RIMS1: variants seen among roughly 807,000 people sequenced by gnomAD.
RIMS1 encodes regulating synaptic membrane exocytosis protein 1.
A neutral mutation model predicts 214.1 loss-of-function variants in RIMS1; 83 were observed. The ratio of observed to expected loss-of-function variants is 0.39; its 90% CI spans 0.32 to 0.47. The LOEUF (loss-of-function observed/expected upper bound fraction) is 0.47. Among genes scored for constraint, RIMS1 ranks in the 20% least tolerant of loss-of-function variants. The pLI, the probability that RIMS1 is intolerant of heterozygous loss-of-function variation, is 0.99. For synonymous variants in RIMS1, 793 were observed against 786.8 expected, an observed-to-expected ratio of 1.01 and a Z score of -0.13; for missense variants, 2,050 against 2,161.8, an observed-to-expected ratio of 0.95 and a Z score of 1.03.
chr6:71,966,529 A>AT (rs1484574164), intron 1 of RIMS1, among the ~76,000 whole-genome samples: 1 of 151,936 alleles, frequency 6.6e-6, no homozygotes, highest in African/African-American at 2.4e-5. Context: ...ATTTTGTTTT[A>AT]TTTTTTTATT....
chr6:72,159,021 G>A (rs1351353080), intron 4 of RIMS1, among the ~76,000 whole-genome samples: 2 of 140,594 alleles, frequency 1.4e-5, no homozygotes, highest in Admixed American at 1.5e-4. Context: ...CACCAACAGT[G>A]TAAGTGTTCC....
chr6:72,189,497 G>A (rs2049705823), intron 6 of RIMS1, among the ~76,000 whole-genome samples: 3 of 152,200 alleles, frequency 2.0e-5, no homozygotes, highest in Non-Finnish European at 2.9e-5. Flanking sequence ...TGCAGGATAG[G>A]CAAACCCATA....
chr6:72,283,216 G>A (rs1355423603), intron 23 of RIMS1, among the ~76,000 whole-genome samples: 1 of 151,938 alleles, frequency 6.6e-6, no homozygotes, highest in African/African-American at 2.4e-5. Flanking sequence ...TGTAATAAGT[G>A]TGAGCTTCTT....
At chr6:72,230,307 A>G (rs1452644036) in intron 6 of RIMS1, among the ~76,000 whole-genome samples, 3 of 151,662 alleles carry the variant, frequency 2.0e-5, no homozygotes, top group Non-Finnish European at 4.4e-5. Flanking sequence ...TATGCTGCAT[A>G]TTACTTCTAG....
At chr6:72,075,951 T>C (rs76465471) in intron 2 of RIMS1, among the ~76,000 whole-genome samples, 19,191 of 152,138 alleles carry the variant, frequency 0.13, 1,425 homozygotes, top group South Asian at 0.19. Context: ...AAAAAAGAAA[T>C]AAAAAAATTC....
chr6:72,057,191 A>C (rs549105852), intron 2 of RIMS1, among the ~76,000 whole-genome samples: 1 of 152,304 alleles, frequency 6.6e-6, no homozygotes, highest in Non-Finnish European at 1.5e-5. Context: ...TCAAACTCAC[A>C]TATTCAGTTG....
intron 28 of RIMS1, chr6:72,316,525 C>G: frequency 8.0e-6 from 3 of 375,046 alleles, no homozygotes; most frequent in Non-Finnish European, 1.5e-5. Context: ...AGACACCCTC[C>G]TGGCCTTGGC....
At chr6:72,080,887 C>T (rs945688376) in intron 2 of RIMS1, among the ~76,000 whole-genome samples, 3 of 152,186 alleles carry the variant, frequency 2.0e-5, no homozygotes, top group Admixed American at 6.6e-5. Context: ...CAAAACATTA[C>T]TTAGCATTCA....
At position 72,041,268 on chromosome 6, in the gene RIMS1, T is replaced by A. The variant is rs1462092964; in HGVS notation, c.246-55681T>A. 2.0e-5 allele frequency among the ~76,000 whole-genome samples: 3 copies of A among 151,944 alleles called. No homozygotes were observed. The East Asian group carries it at 5.8e-4, about 29-fold the overall frequency. ...TTCTGGCCATGAAGAAAAACCTGAA[T>A]ACCTGGCTATACCTGCTAAAGTCAG... On this transcript the variant is annotated intron_variant, in intron 2 of 33. Transcript: ENST00000521978.
At chr6:71,969,156 C>A in intron 2 of RIMS1, 93 bp downstream of exon 2, 1 of 1,164,844 alleles carries the variant, frequency 8.6e-7, no homozygotes, top group Non-Finnish European at 1.3e-6. Context: ...AGAGTAGATA[C>A]TCTGGCTGCT....
intron 23 of RIMS1, among the ~76,000 whole-genome samples, chr6:72,280,210 TTGA>T (rs2154210632): frequency 6.6e-6 from 1 of 152,118 alleles, no homozygotes; most frequent in South Asian, 2.1e-4. Context: ...ATGCTAGGTG[TTGA>T]TATTACACTG....
chr6:72,063,681 C>G (rs377720114), intron 2 of RIMS1, among the ~76,000 whole-genome samples: 1 of 152,190 alleles, frequency 6.6e-6, no homozygotes, highest in Non-Finnish European at 1.5e-5. Flanking sequence ...TTCACATTTA[C>G]TTCTAGGTGG....
At chr6:72,391,656 T>C (rs1230591813) in intron 30 of RIMS1, among the ~76,000 whole-genome samples, 5 of 152,222 alleles carry the variant, frequency 3.3e-5, no homozygotes, top group African/African-American at 4.8e-5. Context: ...GTTTGTGATA[T>C]TCCTTCCCAT....
chr6:72,389,614 AGTT>A (rs1477876777), intron 29 of RIMS1, among the ~76,000 whole-genome samples: 2 of 152,212 alleles, frequency 1.3e-5, no homozygotes, highest in East Asian at 3.8e-4. Context: ...TTTATATAGT[AGTT>A]ATGTATGTAA....
At chr6:72,098,288 TC>T (rs912089905) in intron 3 of RIMS1, among the ~76,000 whole-genome samples, 2 of 117,380 alleles carry the variant, frequency 1.7e-5, no homozygotes, top group Admixed American at 8.8e-5. Context: ...GATCAATATA[TC>T]TTTTTTTTTT....
intron 26 of RIMS1, among the ~76,000 whole-genome samples, chr6:72,292,395 A>C (rs1482772884): frequency 6.6e-6 from 1 of 152,334 alleles, no homozygotes; most frequent in East Asian, 1.9e-4. Context: ...TTTATCTTTT[A>C]AAAGATTTTT....
chr6:72,313,728 C>A, intron 28 of RIMS1, 56 bp downstream of exon 28: 1 of 1,482,846 alleles, frequency 6.7e-7, no homozygotes, highest in Non-Finnish European at 9.1e-7. Context: ...TATAAAAATA[C>A]AACTAGCTTC....
At chr6:72,078,576 G>A (rs1586451538) in intron 2 of RIMS1, among the ~76,000 whole-genome samples, 1 of 152,272 alleles carries the variant, frequency 6.6e-6, no homozygotes, top group Non-Finnish European at 1.5e-5. Flanking sequence ...TATATCGGAA[G>A]TTGAGACAGG....
Position 72,182,726 on chromosome 6 carries a change from G to T in RIMS1, c.1255G>T (p.Ala419Ser). 6.5e-7 allele frequency: 1 copy of T among 1,534,004 alleles called. No individual in the cohort carries two copies. Among genetic ancestry groups the T allele is most frequent in the South Asian group, 1.2e-5 (1 of 83,436 alleles). Residue 419 changes from alanine to serine, a missense_variant, in exon 6 of 34, where the codon GCC (alanine) becomes TCC (serine). Transcript: ENST00000521978. ...AGKRAPAAAR[A>S]SPPDSPRAYS... is the part of the protein sequence containing the mutation. ...CAAACGCGCGCCGGCGGCAGCCAGG[G>T]CCTCGCCGCCGGACTCGCCGCGGGC...
Sources: allele counts gnomAD v4.1 joint callset (sites outside exome capture counted in the v4.1 genomes callset), GRCh38; gene constraint gnomAD v4.1.1; transcripts MANE v1.5; gene names NCBI Gene and HGNC (gene_info 2026-07-23, HGNC 2026-07-21).